PTPRZ1: variants seen among roughly 807,000 people sequenced by gnomAD.
PTPRZ1 encodes receptor-type tyrosine-protein phosphatase zeta.
Under a neutral mutation model 214.1 loss-of-function variants are expected in PTPRZ1, and 82 were observed. The observed-to-expected ratio is 0.38, with a 90% CI of 0.32 to 0.46. PTPRZ1 has a LOEUF of 0.46. Ranked by LOEUF, PTPRZ1 falls within the 20% of genes least tolerant of loss-of-function variation. The probability of loss-of-function intolerance (pLI) is 1.00; values close to 1 mark genes in which losing one functional copy is unlikely to be tolerated. For missense variants in PTPRZ1, 2,603 were observed against 2,748.7 expected, an observed-to-expected ratio of 0.95 and a Z score of 1.19; for synonymous variants, 945 against 987.9, an observed-to-expected ratio of 0.96 and a Z score of 0.81.
intron 17 of PTPRZ1, among the ~76,000 whole-genome samples, chr7:122,034,724 T>C: frequency 6.6e-6 from 1 of 152,206 alleles, no homozygotes; most frequent in Middle Eastern, 3.2e-3. Flanking sequence ...CTTACTCTTA[T>C]GTGAATTTAC....
intron 1 of PTPRZ1, among the ~76,000 whole-genome samples, chr7:121,906,175 C>T (rs1397710927): frequency 6.6e-6 from 1 of 152,102 alleles, no homozygotes; most frequent in Admixed American, 6.5e-5. Flanking sequence ...AGGTCTCTAC[C>T]TCCATTTAAA....
At position 122,012,753 on chromosome 7, in the gene PTPRZ1, T is replaced by C. The variant is rs1357942537; in HGVS notation, c.3707T>C (p.Leu1236Pro). Residue 1236 changes from leucine (L) to proline (P), a missense_variant, in exon 12 of 30, where the codon CTG becomes CCG. Physicochemically the swap from Leu to Pro is moderately conservative, Grantham distance 98 (BLOSUM62 -3). Transcript: ENST00000393386. ...AATTCTGCTTCAAGTGAAAACATGCTGCACTCTACATCTGTACCAGTTTTT... is the reference window on the plus strand; with the variant it reads ...AATTCTGCTTCAAGTGAAAACATGCCGCACTCTACATCTGTACCAGTTTTT... ...VSNSASSENMLHSTSVPVFDV... is the reference protein window; with the variant it reads ...VSNSASSENMPHSTSVPVFDV... 19 of 1,610,766 alleles carry C rather than the reference T, an allele frequency of 1.2e-5. No individual in the cohort carries two copies. The highest frequency in any genetic ancestry group is 1.6e-5 in the Non-Finnish European group (19 of 1,177,004).
chr7:121,950,176 C>T (rs1391994109), intron 2 of PTPRZ1, among the ~76,000 whole-genome samples: 1 of 152,142 alleles, frequency 6.6e-6, no homozygotes, highest in South Asian at 2.1e-4. Flanking sequence ...AGAATGCCTG[C>T]TTTTAAAACC....
rs1040176444 is a variant in PTPRZ1, at chr7:122,054,548, T to C, written c.6382-393T>C. Among the ~76,000 whole-genome samples the C allele has an allele frequency of 4.6e-5, 7 of 152,060 alleles. No homozygotes were observed. In the East Asian group the frequency reaches 1.3e-3, roughly 29 times the overall value. Reference sequence around the variant, plus strand: ...CCCAACAAGTAAAATAAATATTTCATTTAGGCTTTACATGTTTACTTAGCT... The same window carrying C: ...CCCAACAAGTAAAATAAATATTTCACTTAGGCTTTACATGTTTACTTAGCT... On this transcript the variant is annotated intron_variant, in intron 26 of 29. Transcript: ENST00000393386.
chr7:121,922,775 A>C (rs1016137319), intron 1 of PTPRZ1, among the ~76,000 whole-genome samples: 1 of 152,170 alleles, frequency 6.6e-6, no homozygotes, highest in Admixed American at 6.5e-5. Context: ...ACAGTATACT[A>C]TCTCCAGAGG....
intron 4 of PTPRZ1, among the ~76,000 whole-genome samples, chr7:121,974,098 C>G (rs1448123182): frequency 6.6e-6 from 1 of 151,734 alleles, no homozygotes; most frequent in Non-Finnish European, 1.5e-5. Context: ...TTTTATAATT[C>G]AAAAGTTATT....
intron 1 of PTPRZ1, among the ~76,000 whole-genome samples, chr7:121,901,505 A>G (rs1458435396): frequency 6.6e-6 from 1 of 152,198 alleles, no homozygotes; most frequent in Non-Finnish European, 1.5e-5. Flanking sequence ...CTGTTAGTAT[A>G]TTCTAAAATT....
intron 1 of PTPRZ1, among the ~76,000 whole-genome samples, chr7:121,906,580 G>A (rs1795122584): frequency 6.6e-6 from 1 of 152,134 alleles, no homozygotes; most frequent in African/African-American, 2.4e-5. Flanking sequence ...TTGAAGCTTG[G>A]CATTGTTTGG....
chr7:122,028,523 T>C (rs1188946774), intron 13 of PTPRZ1, 29 bp from the exon 14 acceptor site: 2 of 1,435,210 alleles, frequency 1.4e-6, no homozygotes, highest in Non-Finnish European at 2.0e-6. Flanking sequence ...TAGCAACTAG[T>C]AGTATAAATT....
intron 8 of PTPRZ1, among the ~76,000 whole-genome samples, chr7:121,991,533 C>A (rs752420891): frequency 3.9e-5 from 6 of 152,130 alleles, no homozygotes; most frequent in Non-Finnish European, 8.8e-5. Context: ...GAAAAAACGT[C>A]ATAATGAATT....
chr7:121,948,681 T>TA (rs952969056), intron 2 of PTPRZ1, among the ~76,000 whole-genome samples: 1 of 151,590 alleles, frequency 6.6e-6, no homozygotes, highest in African/African-American at 2.4e-5. Context: ...CAGAGTGTGA[T>TA]AAAATGGAGA....
rs76293414 is a variant in PTPRZ1 at position 122,040,667 on chromosome 7, T to C, written c.5638-149T>C. The C allele has an allele frequency of 1.2e-3, 634 of 519,132 alleles. 6 individuals are homozygous for C. The East Asian group carries it at 0.021, about 17-fold the overall frequency. 32.2% of individuals were successfully genotyped at this position (519,132 alleles called of 1,614,324 possible). On this transcript the variant is annotated intron_variant, in intron 20 of 29. Coordinates refer to ENST00000393386, the MANE Select transcript of PTPRZ1 (RefSeq NM_002851.3). ...ATCACAAATGACACTCTACTTTCTT[T>C]CATTCATTATGGACCCTCAACATCA...
intron 2 of PTPRZ1, among the ~76,000 whole-genome samples, chr7:121,942,297 C>G (rs1219921672): frequency 6.6e-6 from 1 of 152,170 alleles, no homozygotes; most frequent in East Asian, 1.9e-4. Flanking sequence ...TCACCATTTT[C>G]TAAGTGAGTC....
chr7:121,961,901 T>C (rs1326276816), intron 2 of PTPRZ1, among the ~76,000 whole-genome samples: 1 of 152,178 alleles, frequency 6.6e-6, no homozygotes, highest in Non-Finnish European at 1.5e-5. Context: ...ATGAATAACT[T>C]AGGTTAATTC....
chr7:122,047,461 C>T (rs779839618), intron 23 of PTPRZ1, among the ~76,000 whole-genome samples: 3 of 151,872 alleles, frequency 2.0e-5, no homozygotes, highest in East Asian at 1.9e-4. Context: ...TACAAAGAGG[C>T]GGGATTCAGG....
chr7:122,037,712 C>T (rs1799593329), intron 18 of PTPRZ1, among the ~76,000 whole-genome samples: 1 of 152,146 alleles, frequency 6.6e-6, no homozygotes, highest in South Asian at 2.1e-4. Flanking sequence ...TCAGAATGAA[C>T]ATGAGATCTG....
intron 1 of PTPRZ1, among the ~76,000 whole-genome samples, chr7:121,883,273 A>C (rs1015506020): frequency 2.0e-5 from 3 of 152,208 alleles, no homozygotes; most frequent in African/African-American, 7.2e-5. Flanking sequence ...GTCACAACTT[A>C]ACTAAAACAA....
chr7:122,008,582 TAAG>T (rs1319955292), intron 11 of PTPRZ1, among the ~76,000 whole-genome samples: 2 of 152,220 alleles, frequency 1.3e-5, no homozygotes, highest in Admixed American at 6.5e-5. Context: ...GTTTTTATGT[TAAG>T]AAGAAGTGTG....
At chr7:122,046,377 C>T (rs1295134526) in intron 23 of PTPRZ1, among the ~76,000 whole-genome samples, 1 of 151,930 alleles carries the variant, frequency 6.6e-6, no homozygotes, top group Admixed American at 6.6e-5. Context: ...CACTGCACTC[C>T]AGTCTGGGAG....
Sources: gnomAD v4.1 joint callset for allele counts (sites outside exome capture counted in the v4.1 genomes callset) on GRCh38, gnomAD v4.1.1 for gene constraint, MANE v1.5 for transcripts, NCBI Gene and HGNC (gene_info 2026-07-23, HGNC 2026-07-21) for gene names.